Variants in OSBPL9 observed in about 807,000 individuals in gnomAD.
OSBPL9 encodes the protein oxysterol binding protein like 9.
In OSBPL9, 40 loss-of-function variants were observed where a neutral mutation model predicts 106.6. The observed-to-expected ratio is 0.38, with a 90% confidence interval of 0.29 to 0.49. The LOEUF (loss-of-function observed/expected upper bound fraction) is 0.49, where lower values mean the gene tolerates loss of function less well. Ranked by LOEUF, OSBPL9 falls within the 20% of genes least tolerant of loss-of-function variation. The pLI, the probability that OSBPL9 is intolerant of heterozygous loss-of-function variation, is 0.97. For synonymous variants in OSBPL9, 269 were observed against 295.4 expected, an observed-to-expected ratio of 0.91 and a Z score of 0.92; for missense variants, 609 against 887.2, an observed-to-expected ratio of 0.69 and a Z score of 3.98.
intron 4 of OSBPL9, among the ~76,000 whole-genome samples, chr1:51,728,824 C>T (rs2148932750): frequency 6.6e-6 from 1 of 152,262 alleles, no homozygotes; most frequent in East Asian, 1.9e-4. Flanking sequence ...CGCGCCTGGC[C>T]AGCATCGCGC....
chr1:51,594,271 C>T (rs974913177), intron 1 of OSBPL9, among the ~76,000 whole-genome samples: 28 of 151,870 alleles, frequency 1.8e-4, no homozygotes, highest in African/African-American at 4.6e-4. Flanking sequence ...AATAGCCGGG[C>T]GTGGTGGCGG....
intron 1 of OSBPL9, among the ~76,000 whole-genome samples, chr1:51,595,161 C>T (rs951567374): frequency 6.6e-6 from 1 of 152,104 alleles, no homozygotes; most frequent in Non-Finnish European, 1.5e-5. Flanking sequence ...CCGCTGAGAG[C>T]GCCGGAGGAC....
chr1:51,616,881 ATAATCT>A (rs1283682959), upstream of OSBPL9: 1 of 596,574 alleles, frequency 1.7e-6, no homozygotes, highest in Admixed American at 3.4e-5. Context: ...CAGATTATAA[ATAATCT>A]TAATAGCAGT....
upstream of OSBPL9, among the ~76,000 whole-genome samples, chr1:51,575,013 G>C (rs1473127289): frequency 6.6e-6 from 1 of 152,202 alleles, no homozygotes; most frequent in Admixed American, 6.5e-5. Flanking sequence ...CAAATGTTCA[G>C]TGCCTTTCTG....
chr1:51,725,981 T>C (rs1211511564), intron 4 of OSBPL9, among the ~76,000 whole-genome samples: 1 of 152,228 alleles, frequency 6.6e-6, no homozygotes, highest in Non-Finnish European at 1.5e-5. Flanking sequence ...ACTCATAGCC[T>C]GCTATTGACT....
At chr1:51,785,629 C>T (rs1205000820) in intron 20 of OSBPL9, 179 bp from the exon 21 acceptor site, 1 of 568,270 alleles carries the variant, frequency 1.8e-6, no homozygotes, top group Non-Finnish European at 3.1e-6. Flanking sequence ...CATAAGCGTC[C>T]TGTTGAAGGC....
the OSBPL9 span, among the ~76,000 whole-genome samples, chr1:51,530,512 G>T: frequency 6.6e-6 from 1 of 152,054 alleles, no homozygotes; most frequent in East Asian, 1.9e-4. Flanking sequence ...AGCACTTCGG[G>T]AGGCTGAGGC....
At chr1:51,580,939 TATATATATATATATA>T (rs1193836885) in intron 1 of OSBPL9, among the ~76,000 whole-genome samples, 336 of 1,496 alleles carry the variant, frequency 0.22, 79 homozygotes, top group Non-Finnish European at 0.23. Context: ...TATATATATA[TATATATATATATATA>T]ACTTTTTTGA....
At chr1:51,640,776 G>A (rs537542668) in intron 1 of OSBPL9, among the ~76,000 whole-genome samples, 1 of 151,998 alleles carries the variant, frequency 6.6e-6, no homozygotes, top group East Asian at 1.9e-4. Flanking sequence ...AAGATAGGGT[G>A]GGAATAATAG....
chr1:51,681,831 T>C (rs189391328), intron 3 of OSBPL9, among the ~76,000 whole-genome samples: 1 of 152,258 alleles, frequency 6.6e-6, no homozygotes. Flanking sequence ...AAACCATCAA[T>C]AGATTTCTAG....
rs576799116 is a variant in OSBPL9, at chr1:51,663,450, G to A, written c.163-5984G>A. 5.5e-4 allele frequency among the ~76,000 whole-genome samples: 84 copies of A among 152,244 alleles called. 1 individual carries two copies. The highest frequency in any genetic ancestry group is 1.7e-3 in the African/African-American group (72 of 41,536). On this transcript the variant is annotated intron_variant, in intron 2 of 23. Coordinates refer to ENST00000428468, the MANE Select transcript of OSBPL9 (RefSeq NM_024586.6). ...ATTTGCTTTCCTCTGCCCCTTTGGG[G>A]ATGGCTGGCTATGACTATGTTCAAG...
chr1:51,615,926 G>A (rs1644042562), upstream of OSBPL9, among the ~76,000 whole-genome samples: 1 of 151,116 alleles, frequency 6.6e-6, no homozygotes, highest in South Asian at 2.1e-4. Flanking sequence ...TTTAAGCTCT[G>A]AGAGAGCTTA....
chr1:51,715,542 T>C (rs971272959), intron 4 of OSBPL9, among the ~76,000 whole-genome samples: 2 of 152,136 alleles, frequency 1.3e-5, no homozygotes, highest in Admixed American at 1.3e-4. Flanking sequence ...CCCCGTGCGT[T>C]CTAGCAATTC....
intron 1 of OSBPL9, among the ~76,000 whole-genome samples, chr1:51,638,653 T>C (rs1372477634): frequency 6.6e-6 from 1 of 151,952 alleles, no homozygotes; most frequent in East Asian, 1.9e-4. Flanking sequence ...GCAGATCCCT[T>C]GAGTTCAGGA....
chr1:51,720,564 C>A (rs979599913), intron 4 of OSBPL9, among the ~76,000 whole-genome samples: 3 of 152,032 alleles, frequency 2.0e-5, no homozygotes, highest in African/African-American at 7.2e-5. Flanking sequence ...ACCTTGTGAT[C>A]CACCCACCTC....
At chr1:51,693,556 C>T (rs955284070) in intron 3 of OSBPL9, among the ~76,000 whole-genome samples, 1 of 152,268 alleles carries the variant, frequency 6.6e-6, no homozygotes, top group East Asian at 1.9e-4. Flanking sequence ...GCACACAGAT[C>T]TTTCTAATGT....
At chr1:51,562,241 C>A in the OSBPL9 span, among the ~76,000 whole-genome samples, 1 of 152,066 alleles carries the variant, frequency 6.6e-6, no homozygotes, top group South Asian at 2.1e-4. Context: ...CACGATCCCC[C>A]CTTGGTACTG....
chr1:51,580,929 TATATATATATATATATATATATATA>T (rs1300189019), intron 1 of OSBPL9, among the ~76,000 whole-genome samples: 1,082 of 2,250 alleles, frequency 0.48, 207 homozygotes, highest in South Asian at 0.65. Context: ...TATATATATA[TATATATATATATATATATATATATA>T]ACTTTTTTGA....
chr1:51,742,548 A>G lies in OSBPL9; in HGVS notation c.319-2988A>G, dbSNP rs144723395. On this transcript the variant is annotated intron_variant, in intron 4 of 23. Coordinates refer to ENST00000428468, the MANE Select transcript of OSBPL9 (RefSeq NM_024586.6). ...TTGCGGAGACAGGGTCTTGCAACATAGCAAGACCCTGTCTCCACAAAAAAA... is the reference window on the plus strand; with the variant it reads ...TTGCGGAGACAGGGTCTTGCAACATGGCAAGACCCTGTCTCCACAAAAAAA... 2.8e-3 allele frequency among the ~76,000 whole-genome samples: 425 copies of G among 151,054 alleles called. 1 individual carries two copies. The highest frequency in any genetic ancestry group is 8.6e-3 in the African/African-American group (353 of 41,162).
Sources: gnomAD v4.1 joint callset for allele counts (sites outside exome capture counted in the v4.1 genomes callset) on GRCh38, gnomAD v4.1.1 for gene constraint, MANE v1.5 for transcripts, NCBI Gene and HGNC (gene_info 2026-07-23, HGNC 2026-07-21) for gene names.